Variants in PSKH1 observed in about 807,000 individuals in gnomAD.
PSKH1 encodes the protein protein serine kinase H1.
Under a neutral mutation model 26.7 loss-of-function variants are expected in PSKH1, and 12 were observed. That is an observed-to-expected ratio of 0.45 (90% confidence interval 0.29 to 0.73). PSKH1 has a LOEUF of 0.73. Among genes scored for constraint, PSKH1 ranks in the 30% least tolerant of loss-of-function variants. PSKH1 has a pLI of 0.11. For synonymous variants in PSKH1, 213 were observed against 234.3 expected, an observed-to-expected ratio of 0.91 and a Z score of 0.83; for missense variants, 431 against 595.2, an observed-to-expected ratio of 0.72 and a Z score of 2.87.
intron 1 of PSKH1, among the ~76,000 whole-genome samples, chr16:67,906,662 G>C (rs530152085): frequency 6.6e-6 from 1 of 152,282 alleles, no homozygotes; most frequent in East Asian, 1.9e-4. Context: ...ACCGGGCCCA[G>C]CCTGTGTGTC....
intron 1 of PSKH1, among the ~76,000 whole-genome samples, chr16:67,899,374 G>C (rs1283190434): frequency 7.6e-6 from 1 of 130,746 alleles, no homozygotes; most frequent in East Asian, 2.2e-4. Flanking sequence ...CTCGCTCTAT[G>C]GCCCAGGCTG....
intron 2 of PSKH1, among the ~76,000 whole-genome samples, chr16:67,923,304 CTT>C (rs1358447301): frequency 6.6e-6 from 1 of 152,188 alleles, no homozygotes; most frequent in East Asian, 1.9e-4. Flanking sequence ...GAAAAGGACT[CTT>C]TTGAGGGCCA....
chr16:67,898,762 A>G (rs544996861), intron 1 of PSKH1, among the ~76,000 whole-genome samples: 1 of 151,812 alleles, frequency 6.6e-6, no homozygotes, highest in South Asian at 2.1e-4. Context: ...AGCTGGGATT[A>G]CAGGCATGTG....
intron 2 of PSKH1, among the ~76,000 whole-genome samples, chr16:67,919,855 G>A (rs1351548664): frequency 6.6e-6 from 1 of 152,340 alleles, no homozygotes; most frequent in East Asian, 1.9e-4. Context: ...GCTCCCCAGA[G>A]CCCTGTCCTC....
chr16:67,923,271 A>G (rs2058207869), intron 2 of PSKH1, among the ~76,000 whole-genome samples: 2 of 152,222 alleles, frequency 1.3e-5, no homozygotes, highest in South Asian at 4.1e-4. Context: ...CAACATCAGG[A>G]GCAGGTACCC....
intron 2 of PSKH1, among the ~76,000 whole-genome samples, chr16:67,923,060 G>A (rs956450065): frequency 3.9e-5 from 6 of 152,328 alleles, no homozygotes; most frequent in Non-Finnish European, 7.3e-5. Context: ...CAAACGAAAA[G>A]GGTTGGTGCG....
chr16:67,898,834 G>T (rs1410955250), intron 1 of PSKH1, among the ~76,000 whole-genome samples: 3 of 152,002 alleles, frequency 2.0e-5, no homozygotes, highest in African/African-American at 4.8e-5. Flanking sequence ...TCTTGGCCAG[G>T]CTGGTCTTGA....
At chr16:67,919,753 GCAGAGGAAGCTCTCTCCATGTGAGGC>G (rs2058196935) in intron 2 of PSKH1, among the ~76,000 whole-genome samples, 1 of 152,312 alleles carries the variant, frequency 6.6e-6, no homozygotes, top group East Asian at 1.9e-4. Flanking sequence ...TGGCAGGAAG[GCAGAGGAAGCTCTCTCCATGTGAGGC>G]CAGAGGAAGC....
chr16:67,909,105 C>T lies in PSKH1; in HGVS notation c.356C>T (p.Ala119Val), dbSNP rs1445820858. 1.2e-6 allele frequency: 2 copies of T among 1,613,332 alleles called. No individual in the cohort carries two copies. The highest frequency in any genetic ancestry group is 1.7e-5 in the Admixed American group (1 of 59,966). Residue 119 changes from alanine to valine, a missense_variant, in exon 2 of 3, where the codon GCA becomes GTA. Transcript: ENST00000291041. This position sits in a 1 kb window ranked among gnomAD's most constrained non-coding sequence, Gnocchi z 7.8. ...CGAGTGGTACGTGTAGAGCACCGGG[C>T]AACCCGGCAGCCGTATGCCATCAAG... Reference protein sequence around the residue: ...FSRVVRVEHRATRQPYAIKMI... With the variant: ...FSRVVRVEHRVTRQPYAIKMI...
chr16:67,895,534 G>A (rs1183681307), intron 1 of PSKH1, among the ~76,000 whole-genome samples: 5 of 151,448 alleles, frequency 3.3e-5, no homozygotes, highest in Admixed American at 2.6e-4. Flanking sequence ...TCAGCCTCCC[G>A]AGTAGCTGGG....
chr16:67,927,223 C>G lies in PSKH1; in HGVS notation c.958-102C>G, dbSNP rs938368560. ...AAGTGCTACATGAGAGGAGGGGCAG[C>G]ACCTCTCTCTGGAAAGGGGAGGGTT... On this transcript the variant is annotated intron_variant, in intron 2 of 2. Transcript: ENST00000291041. The surrounding 1 kb of genome is among the most constrained non-coding windows in gnomAD (Gnocchi z 5.5). 5.7e-6 allele frequency: 7 copies of G among 1,221,350 alleles called. No individual in the cohort carries two copies. The East Asian group carries it at 1.4e-4, about 25-fold the overall frequency. The allele number at this position is 1,221,350 out of a possible 1,614,324, so 75.7% of individuals were successfully genotyped here.
At chr16:67,895,143 G>A (rs564847699) in intron 1 of PSKH1, among the ~76,000 whole-genome samples, 22 of 151,652 alleles carry the variant, frequency 1.5e-4, no homozygotes, top group Non-Finnish European at 3.1e-4. Context: ...GGCTGGTCTC[G>A]AACTCCTGAC....
intron 1 of PSKH1, among the ~76,000 whole-genome samples, chr16:67,905,245 AG>A: frequency 6.6e-6 from 1 of 152,174 alleles, no homozygotes; most frequent in South Asian, 2.1e-4. Flanking sequence ...TTCACTTCCC[AG>A]GAAGGTCCTG....
At chr16:67,904,393 A>T (rs2058150156) in intron 1 of PSKH1, among the ~76,000 whole-genome samples, 1 of 151,516 alleles carries the variant, frequency 6.6e-6, no homozygotes, top group Non-Finnish European at 1.5e-5. Context: ...TTTGGTAGAG[A>T]TGGGGTTTTA....
In PSKH1 at chr16:67,927,148, T is replaced by C. The variant is rs1158565388; in HGVS notation, c.958-177T>C. Among the ~76,000 whole-genome samples, 3 of 152,154 alleles carry C rather than the reference T, an allele frequency of 2.0e-5. No individual in the cohort carries two copies. In the East Asian group the frequency reaches 5.8e-4, roughly 29 times the overall value. ...TCCTTCCTTGCCAGACTCCATCACCTGGAGAGCAGCCCTTGTTCAGCCTGA... is the reference window on the plus strand; with the variant it reads ...TCCTTCCTTGCCAGACTCCATCACCCGGAGAGCAGCCCTTGTTCAGCCTGA... On this transcript the variant is annotated intron_variant, in intron 2 of 2. Coordinates refer to ENST00000291041, the MANE Select transcript of PSKH1 (RefSeq NM_006742.3). This position sits in a 1 kb window ranked among gnomAD's most constrained non-coding sequence, Gnocchi z 5.5.
In PSKH1 at chr16:67,928,729, G is replaced by T. The variant is rs866563239; in HGVS notation, c.*1087G>T. On this transcript the variant is annotated 3_prime_UTR_variant, in exon 3 of 3. Coordinates refer to ENST00000291041, the MANE Select transcript of PSKH1 (RefSeq NM_006742.3). This position sits in a 1 kb window ranked among gnomAD's most constrained non-coding sequence, Gnocchi z 4.8. ...CGCCCATCGTGCACACCTGCCCATCGTGCACACCCACCCATGGTGCACACC... is the reference window on the plus strand; with the variant it reads ...CGCCCATCGTGCACACCTGCCCATCTTGCACACCCACCCATGGTGCACACC... 6.6e-6 allele frequency: 1 copy of T among 152,236 alleles called. No homozygotes were observed. The highest frequency in any genetic ancestry group is 2.4e-5 in the African/African-American group (1 of 41,426). 9.4% of individuals were successfully genotyped at this position (152,236 alleles called of 1,614,324 possible).
chr16:67,895,617 C>T (rs1364296854), intron 1 of PSKH1, among the ~76,000 whole-genome samples: 1 of 152,142 alleles, frequency 6.6e-6, no homozygotes, highest in Non-Finnish European at 1.5e-5. Flanking sequence ...TCCTGTTGGC[C>T]AGGCTGGTCT....
At chr16:67,895,690 A>G (rs2058124499) in intron 1 of PSKH1, among the ~76,000 whole-genome samples, 1 of 152,110 alleles carries the variant, frequency 6.6e-6, no homozygotes, top group Non-Finnish European at 1.5e-5. Context: ...TACAGGCGTG[A>G]GCCACCATGT....
At chr16:67,925,710 T>G (rs2058214413) in intron 2 of PSKH1, among the ~76,000 whole-genome samples, 1 of 151,972 alleles carries the variant, frequency 6.6e-6, no homozygotes, top group Non-Finnish European at 1.5e-5. Flanking sequence ...GATGACCCTG[T>G]TAGGTGTGTT....
Sources: allele counts gnomAD v4.1 joint callset (sites outside exome capture counted in the v4.1 genomes callset), GRCh38; gene constraint gnomAD v4.1.1; non-coding constraint Gnocchi (gnomAD v3.1); transcripts MANE v1.5; gene names NCBI Gene and HGNC (gene_info 2026-07-23, HGNC 2026-07-21).